Variants in ATXN1 observed in about 807,000 individuals in gnomAD.
ATXN1 encodes the protein ataxin 1.
A neutral mutation model predicts 56.4 loss-of-function variants in ATXN1; 8 were observed. That is an observed-to-expected ratio of 0.14 (90% CI 0.08 to 0.26). ATXN1 has a LOEUF of 0.26. Ranked by LOEUF, ATXN1 falls within the 10% of genes least tolerant of loss-of-function variation. The probability of loss-of-function intolerance (pLI) is 1.00; values close to 1 mark genes in which losing one functional copy is unlikely to be tolerated. For synonymous variants in ATXN1, 514 were observed against 494.6 expected (o/e 1.04, Z -0.52); for missense variants, 987 against 1,106.5 (o/e 0.89, Z 1.53).
At chr6:16,422,458 C>T (rs951729514) in intron 6 of ATXN1, among the ~76,000 whole-genome samples, 5 of 152,150 alleles carry the variant, frequency 3.3e-5, no homozygotes, top group African/African-American at 1.2e-4. Context: ...TATTTACGTC[C>T]CTGCTCTTTG....
intron 6 of ATXN1, among the ~76,000 whole-genome samples, chr6:16,347,519 C>T (rs1267728418): frequency 2.0e-5 from 3 of 151,260 alleles, no homozygotes; most frequent in Non-Finnish European, 2.9e-5. Context: ...ATACACCAAT[C>T]GGCACTCTGT....
chr6:16,568,422 A>T (rs1184093864), intron 4 of ATXN1, among the ~76,000 whole-genome samples: 2 of 152,250 alleles, frequency 1.3e-5, no homozygotes, highest in African/African-American at 4.8e-5. Context: ...TTCTCAATGT[A>T]TGAATGAGTT....
chr6:16,445,441 G>C (rs1043091277), intron 6 of ATXN1, among the ~76,000 whole-genome samples: 4 of 152,064 alleles, frequency 2.6e-5, no homozygotes, highest in African/African-American at 9.7e-5. Flanking sequence ...TGGCTCTGCT[G>C]CTGAATGGGG....
At chr6:16,472,159 C>T (rs937282879) in intron 6 of ATXN1, among the ~76,000 whole-genome samples, 1 of 152,158 alleles carries the variant, frequency 6.6e-6, no homozygotes, top group Non-Finnish European at 1.5e-5. Context: ...GCAGCATATG[C>T]ACACCTGCGT....
chr6:16,418,550 TTTTTA>T (rs1047227737), intron 6 of ATXN1, among the ~76,000 whole-genome samples: 11 of 152,062 alleles, frequency 7.2e-5, no homozygotes, highest in South Asian at 2.1e-4. Context: ...ATACTCCTTT[TTTTTA>T]TTTTATTTTA....
intron 6 of ATXN1, among the ~76,000 whole-genome samples, chr6:16,459,046 G>A (rs575306783): frequency 1.3e-5 from 2 of 152,318 alleles, no homozygotes; most frequent in African/African-American, 4.8e-5. Flanking sequence ...AAGGAATCCT[G>A]GGACAGCCTG....
At chr6:16,408,180 A>T (rs1392728426) in intron 6 of ATXN1, among the ~76,000 whole-genome samples, 4 of 152,174 alleles carry the variant, frequency 2.6e-5, no homozygotes, top group African/African-American at 9.7e-5. Flanking sequence ...ACTCAGGAAT[A>T]GAGAGGACAC....
chr6:16,490,790 G>A (rs141210794), intron 5 of ATXN1, among the ~76,000 whole-genome samples: 4 of 152,266 alleles, frequency 2.6e-5, no homozygotes, highest in Non-Finnish European at 4.4e-5. Context: ...CTGGGCAATC[G>A]TAATACAACA....
intron 4 of ATXN1, among the ~76,000 whole-genome samples, chr6:16,581,511 A>G (rs1762530432): frequency 6.6e-6 from 1 of 152,154 alleles, no homozygotes; most frequent in Non-Finnish European, 1.5e-5. Context: ...GTTATTTAAG[A>G]GACCACTAAA....
intron 2 of ATXN1, among the ~76,000 whole-genome samples, chr6:16,733,664 A>G (rs1373934420): frequency 6.6e-6 from 1 of 152,186 alleles, no homozygotes; most frequent in Non-Finnish European, 1.5e-5. Flanking sequence ...CTTGACCAAC[A>G]TGGAGAAACC....
At chr6:16,660,832 G>GTTTTTTTTTTTTTT (rs754718969) in intron 2 of ATXN1, among the ~76,000 whole-genome samples, 1 of 93,020 alleles carries the variant, frequency 1.1e-5, no homozygotes, top group Non-Finnish European at 2.1e-5. Context: ...TTTTGTTTTG[G>GTTTTTTTTTTTTTT]TTTTTTTTTT....
Position 16,306,441 on chromosome 6 carries a change from C to A in ATXN1, c.2336G>T (p.Ser779Ile). The change falls in exon 8 of 8, where the codon AGC becomes ATC. Residue 779 changes from serine (S) to isoleucine (I), a missense_variant. Ser to Ile is a moderately radical substitution (Grantham distance 142). Transcript: ENST00000436367. The surrounding 1 kb of genome is among the most constrained non-coding windows in gnomAD (Gnocchi z 5.2). ...GTCTTCTGACTTCTCCAGTTTGCGG[C>A]TCTCTGGCGCCGACCACCTCCTCTT... The part of the protein sequence containing the change: ...TRKRRWSAPE[S>I]RKLEKSEDEP... 6.2e-7 allele frequency: 1 copy of A among 1,614,174 alleles called. No homozygotes were observed. The highest frequency in any genetic ancestry group is 8.5e-7 in the Non-Finnish European group (1 of 1,180,038).
intron 6 of ATXN1, among the ~76,000 whole-genome samples, chr6:16,383,873 T>C (rs1758185052): frequency 6.6e-6 from 1 of 151,926 alleles, no homozygotes; most frequent in Admixed American, 6.5e-5. Flanking sequence ...TTTGCTCTCA[T>C]GAGATTTGGT....
chr6:16,518,218 C>T (rs928188831), intron 5 of ATXN1, among the ~76,000 whole-genome samples: 4 of 152,200 alleles, frequency 2.6e-5, no homozygotes, highest in African/African-American at 9.7e-5. Context: ...GGAAACGCCA[C>T]GCCCCACCCC....
chr6:16,452,729 A>G (rs1324335473), intron 6 of ATXN1, among the ~76,000 whole-genome samples: 1 of 152,252 alleles, frequency 6.6e-6, no homozygotes, highest in Non-Finnish European at 1.5e-5. Context: ...TTGTTCTTAT[A>G]GTACATCTAT....
At chr6:16,745,580 C>T (rs1186645115) in intron 2 of ATXN1, among the ~76,000 whole-genome samples, 6 of 152,136 alleles carry the variant, frequency 3.9e-5, no homozygotes, top group African/African-American at 7.2e-5. Flanking sequence ...CTTTTATTGG[C>T]TTTCCTTTAT....
At chr6:16,413,404 C>T (rs1421689605) in intron 6 of ATXN1, among the ~76,000 whole-genome samples, 1 of 152,002 alleles carries the variant, frequency 6.6e-6, no homozygotes, top group Non-Finnish European at 1.5e-5. Flanking sequence ...GGCTCGGGAC[C>T]CATTCTTTTT....
rs1760179658 is a variant in ATXN1, at chr6:16,304,073, T to C, written c.*2256A>G. Reference sequence around the variant, plus strand: ...CTATTCTAAACCTATTCAAATGTTTTTGGTACACCCCAGAAAACGGTTTAT... The same window carrying C: ...CTATTCTAAACCTATTCAAATGTTTCTGGTACACCCCAGAAAACGGTTTAT... On this transcript the variant is annotated 3_prime_UTR_variant, in exon 8 of 8. Coordinates refer to ENST00000436367, the MANE Select transcript of ATXN1 (RefSeq NM_001128164.2). The C allele has an allele frequency of 6.6e-6, 1 of 152,314 alleles. No homozygotes were observed. Among genetic ancestry groups the C allele is most frequent in the Non-Finnish European group, 1.5e-5 (1 of 68,044 alleles). The allele number at this position is 152,314 out of a possible 1,614,324, so 9.4% of individuals were successfully genotyped here. A position where few individuals can be genotyped will look rare whatever the true frequency, so the allele number is the denominator to read the frequency against.
intron 6 of ATXN1, among the ~76,000 whole-genome samples, chr6:16,406,814 G>C (rs1185564384): frequency 1.3e-5 from 2 of 152,110 alleles, no homozygotes; most frequent in Non-Finnish European, 2.9e-5. Flanking sequence ...GTTCTAAGCT[G>C]CTAGCCATTC....
Sources: gnomAD v4.1 joint callset for allele counts (sites outside exome capture counted in the v4.1 genomes callset) on GRCh38, gnomAD v4.1.1 for gene constraint, Gnocchi (gnomAD v3.1) non-coding constraint, MANE v1.5 for transcripts, NCBI Gene and HGNC (gene_info 2026-07-23, HGNC 2026-07-21) for gene names.